ZRANB3: variants seen among roughly 807,000 people sequenced by gnomAD.
ZRANB3 encodes the protein DNA annealing helicase and endonuclease ZRANB3.
A neutral mutation model predicts 133.8 loss-of-function variants in ZRANB3; 125 were observed. That is an observed-to-expected ratio of 0.93 (90% CI 0.81 to 1.08). The LOEUF (loss-of-function observed/expected upper bound fraction) is 1.08, where lower values mean the gene tolerates loss of function less well. ZRANB3 is among the 50% of genes least tolerant of loss of function. The pLI, the probability that ZRANB3 is intolerant of heterozygous loss-of-function variation, is 0.00. For missense variants in ZRANB3, 1,229 were observed against 1,275.5 expected (o/e 0.96, Z 0.56); for synonymous variants, 387 against 432.7 (o/e 0.89, Z 1.31).
chr2:135,459,345 C>T (rs1690666126), intron 2 of ZRANB3, among the ~76,000 whole-genome samples: 1 of 152,182 alleles, frequency 6.6e-6, no homozygotes, highest in Non-Finnish European at 1.5e-5. Context: ...CATTTTAATA[C>T]ACTTTCAGCT....
intron 2 of ZRANB3, among the ~76,000 whole-genome samples, chr2:135,451,125 G>A (rs1438236428): frequency 5.3e-5 from 8 of 152,136 alleles, no homozygotes; most frequent in African/African-American, 1.2e-4. Context: ...CCTATTTGAC[G>A]AAAGTTAAAG....
Position 135,207,580 on chromosome 2 carries a change from C to T in ZRANB3, c.2863G>A (p.Ala955Thr), listed in dbSNP as rs1370452317. The T allele has an allele frequency of 6.2e-7, 1 of 1,613,886 alleles. No homozygotes were observed. The highest frequency in any genetic ancestry group is 1.3e-5 in the African/African-American group (1 of 74,914). Residue 955 changes from alanine to threonine, a missense_variant, in exon 19 of 21, where the codon GCC (alanine) becomes ACC (threonine). Coordinates refer to ENST00000264159, the MANE Select transcript of ZRANB3 (RefSeq NM_032143.4). ...CCATGTTCAGTTTCAAATACTTTGGCTCTCAGGTAACTGTTATTAGATCGA... is the reference window on the plus strand; with the variant it reads ...CCATGTTCAGTTTCAAATACTTTGGTTCTCAGGTAACTGTTATTAGATCGA... Reference protein sequence around the residue: ...WIRSNNSYLRAKVFETEHGVC... With the variant: ...WIRSNNSYLRTKVFETEHGVC...
chr2:135,494,381 AAGGAG>A (rs1360440857), intron 2 of ZRANB3, among the ~76,000 whole-genome samples: 2 of 151,864 alleles, frequency 1.3e-5, no homozygotes, highest in Admixed American at 6.6e-5. Flanking sequence ...AAAGGAAGGA[AAGGAG>A]AGGAGAGGAA....
At chr2:135,231,250 G>A (rs990171347) in intron 12 of ZRANB3, among the ~76,000 whole-genome samples, 1 of 152,094 alleles carries the variant, frequency 6.6e-6, no homozygotes, top group African/African-American at 2.4e-5. Context: ...GGAAGAAACT[G>A]CAGCTTTAGA....
chr2:135,511,965 A>AG, intron 1 of ZRANB3: 2 of 725,262 alleles, frequency 2.8e-6, no homozygotes, highest in Non-Finnish European at 2.6e-6. Context: ...ATTCAAACTG[A>AG]GGGGAAAAAG....
At chr2:135,423,844 T>C (rs1181081463) in intron 2 of ZRANB3, among the ~76,000 whole-genome samples, 2 of 152,342 alleles carry the variant, frequency 1.3e-5, no homozygotes, top group East Asian at 1.9e-4. Flanking sequence ...CCACAATAAA[T>C]GATCTGAATA....
rs1680385000 is a variant in ZRANB3, at chr2:135,269,038, C to T, written c.1310G>A (p.Cys437Tyr). 2 of 1,613,070 alleles carry T rather than the reference C, an allele frequency of 1.2e-6. No homozygotes were observed. Among genetic ancestry groups the T allele is most frequent in the Non-Finnish European group, 1.7e-6 (2 of 1,179,640 alleles). Residue 437 changes from cysteine (C) to tyrosine (Y), a missense_variant, in exon 11 of 21, where the codon TGC becomes TAC. Transcript: ENST00000264159. ...AEDRAHRIGQ[C>Y]SSVNIHYLIA... is the part of the protein sequence containing the mutation. ...AAGGTAGTGAATATTCACAGAACTG[C>T]ACTGGCCAATTCTGTGAGCTCGGTC... is the stretch of plus-strand genomic sequence containing the variant.
Position 135,315,409 on chromosome 2 carries a change from G to C in ZRANB3, c.799C>G (p.Pro267Ala), listed in dbSNP as rs773900077. The C allele has an allele frequency of 1.1e-5, 18 of 1,604,254 alleles. 1 individual carries two copies. The highest frequency in any genetic ancestry group is 6.8e-5 in the East Asian group (3 of 44,236). Reference sequence around the variant, plus strand: ...AATGGAATACGCTGTCTGACTTTAGGGGGTAGCTGGGTTAAAACTTCAGTC... The same window carrying C: ...AATGGAATACGCTGTCTGACTTTAGCGGGTAGCTGGGTTAAAACTTCAGTC... ...LKTEVLTQLP[P>A]KVRQRIPFDL... The change falls in exon 7 of 21, where the codon CCT becomes GCT. Residue 267 changes from proline (P) to alanine (A), a missense_variant. Pro to Ala is a conservative substitution (Grantham distance 27, BLOSUM62 -1). Transcript: ENST00000264159.
chr2:135,492,460 A>G (rs1692433705), intron 2 of ZRANB3, among the ~76,000 whole-genome samples: 1 of 152,204 alleles, frequency 6.6e-6, no homozygotes, highest in South Asian at 2.1e-4. Flanking sequence ...AAGAAATTTT[A>G]TAATGATAAA....
chr2:135,353,401 T>A, intron 4 of ZRANB3, 49 bp downstream of exon 4: 1 of 1,346,212 alleles, frequency 7.4e-7, no homozygotes, highest in Non-Finnish European at 9.9e-7. Context: ...ATATACCAGG[T>A]ACACACAAGG....
At chr2:135,200,819 G>T (rs1693592278) in intron 20 of ZRANB3, among the ~76,000 whole-genome samples, 1 of 143,812 alleles carries the variant, frequency 7.0e-6, no homozygotes, top group East Asian at 2.1e-4. Context: ...GAAGTGATGT[G>T]ATCTCGGCTC....
At chr2:135,426,156 A>C (rs953573005) in intron 2 of ZRANB3, among the ~76,000 whole-genome samples, 1 of 152,180 alleles carries the variant, frequency 6.6e-6, no homozygotes, top group African/African-American at 2.4e-5. Context: ...ATCCCTGAAA[A>C]GACCAATGAT....
chr2:135,217,501 ATC>A lies in ZRANB3; in HGVS notation c.2457_2458del (p.Glu819AspfsTer54). The A allele has an allele frequency of 4.3e-6, 7 of 1,612,486 alleles. No individual in the cohort carries two copies. Among genetic ancestry groups the A allele is most frequent in the Non-Finnish European group, 5.9e-6 (7 of 1,179,516 alleles). On this transcript the variant is annotated frameshift_variant, in exon 17 of 21. Transcript: ENST00000264159. LOFTEE classifies it high-confidence loss of function. ...ATTTTGTTTGGTTTGTTGCTTTGTG[ATC>A]TCTTCCAAAGCAAGAATTGGGCTAC...
intron 8 of ZRANB3, among the ~76,000 whole-genome samples, chr2:135,304,280 C>A (rs1213161909): frequency 6.6e-6 from 1 of 152,018 alleles, no homozygotes; most frequent in African/African-American, 2.4e-5. Flanking sequence ...CTTTCTATTC[C>A]TGATTTGTTG....
At chr2:135,496,384 T>TAAAAAAA (rs56770947) in intron 2 of ZRANB3, among the ~76,000 whole-genome samples, 26 of 33,316 alleles carry the variant, frequency 7.8e-4, no homozygotes, top group East Asian at 2.1e-3. Flanking sequence ...AACTCCATCT[T>TAAAAAAA]AAAAAAAAAA....
In ZRANB3 at chr2:135,408,704, T is replaced by C. The variant is rs1289707829; in HGVS notation, c.162-17884A>G. On this transcript the variant is annotated intron_variant, in intron 2 of 20. Transcript: ENST00000264159. ...CATGGATGAAACTGGAAACCATCAT[T>C]CTCAGCAAACTATCGCAAGGACAAA... is the stretch of plus-strand genomic sequence containing the variant. Among the ~76,000 whole-genome samples the C allele has an allele frequency of 3.3e-5, 5 of 152,130 alleles. No individual in the cohort carries two copies. In the East Asian group the frequency reaches 7.7e-4, roughly 24 times the overall value.
At chr2:135,418,451 G>GT (rs199681807) in intron 2 of ZRANB3, among the ~76,000 whole-genome samples, 117 of 151,654 alleles carry the variant, frequency 7.7e-4, no homozygotes, top group Middle Eastern at 3.4e-3. Flanking sequence ...GCATTTAGAG[G>GT]TTTTTTTTTA....
chr2:135,249,898 A>G (rs1207834333), intron 12 of ZRANB3, among the ~76,000 whole-genome samples: 1 of 152,202 alleles, frequency 6.6e-6, no homozygotes, highest in Non-Finnish European at 1.5e-5. Context: ...GTAAACTGGT[A>G]CCAGTAGAGT....
At chr2:135,400,438 T>G (rs1687685670) in intron 2 of ZRANB3, among the ~76,000 whole-genome samples, 1 of 151,914 alleles carries the variant, frequency 6.6e-6, no homozygotes, top group African/African-American at 2.4e-5. Flanking sequence ...CTCCGCCTCC[T>G]GGGTTCAAGT....
Sources: allele counts gnomAD v4.1 joint callset (sites outside exome capture counted in the v4.1 genomes callset), GRCh38; gene constraint gnomAD v4.1.1; transcripts MANE v1.5; gene names NCBI Gene and HGNC (gene_info 2026-07-23, HGNC 2026-07-21).